The following EML6 variants were observed in gnomAD, a reference collection of about 807,000 sequenced individuals.
EML6 encodes the protein EMAP like 6, also known as echinoderm microtubule-associated protein-like 6.
EML6 carries 154 observed loss-of-function variants against 240.1 expected under a neutral mutation model. The observed-to-expected ratio is 0.64, with a 90% CI of 0.56 to 0.73. The LOEUF (loss-of-function observed/expected upper bound fraction) is 0.73. EML6 is among the 30% of genes least tolerant of loss of function. EML6 has a pLI of 0.00. For synonymous variants in EML6, 1,148 were observed against 899.0 expected (o/e 1.28, Z -4.95); for missense variants, 2,964 against 2,474.6 (o/e 1.20, Z -4.20).
At chr2:54,823,383 G>T (rs1376316482) in intron 5 of EML6, among the ~76,000 whole-genome samples, 1 of 152,138 alleles carries the variant, frequency 6.6e-6, no homozygotes, top group Non-Finnish European at 1.5e-5. Context: ...TGAGACTGGG[G>T]AGCTGGGTGG....
At chr2:54,824,513 C>A (rs999812217) in intron 5 of EML6, among the ~76,000 whole-genome samples, 1 of 152,126 alleles carries the variant, frequency 6.6e-6, no homozygotes, top group African/African-American at 2.4e-5. Context: ...TGATTCCAGT[C>A]ATAAATTGAG....
chr2:54,793,384 G>A (rs1417685240), intron 2 of EML6, among the ~76,000 whole-genome samples: 1 of 62,772 alleles, frequency 1.6e-5, no homozygotes, highest in Non-Finnish European at 2.9e-5. Context: ...GTATGAGTAG[G>A]CTTTTTTTTT....
intron 2 of EML6, among the ~76,000 whole-genome samples, chr2:54,729,352 C>A (rs1368692351): frequency 1.3e-5 from 2 of 152,232 alleles, no homozygotes; most frequent in Non-Finnish European, 2.9e-5. Context: ...TAATATGTAT[C>A]ATTTAGGGCT....
intron 28 of EML6, among the ~76,000 whole-genome samples, chr2:54,934,415 G>C (rs115889777): frequency 4.3e-4 from 65 of 152,072 alleles, no homozygotes; most frequent in African/African-American, 1.5e-3. Context: ...CTTTGCTTGA[G>C]GGAAGGTCAA....
Position 54,879,588 on chromosome 2 carries a change from C to T in EML6, c.2386C>T (p.His796Tyr), listed in dbSNP as rs1202617928. 4.5e-6 allele frequency: 7 copies of T among 1,551,984 alleles called. No individual in the cohort carries two copies. The highest frequency in any genetic ancestry group is 2.0e-5 in the Admixed American group (1 of 50,988). ...GGTGTCGGTTGGTTTAGACGATTTT[C>T]ACAGTATTGTATTTTGGGACTGGAA... ...CLVSVGLDDFHSIVFWDWKKG... is the reference protein window; with the variant it reads ...CLVSVGLDDFYSIVFWDWKKG... Residue 796 changes from histidine to tyrosine, a missense_variant, in exon 17 of 42, where the codon CAC becomes TAC. Coordinates refer to ENST00000356458, the MANE Select transcript of EML6 (RefSeq NM_001039753.4).
chr2:54,776,494 C>CAT (rs905479835), intron 2 of EML6, among the ~76,000 whole-genome samples: 2 of 152,048 alleles, frequency 1.3e-5, no homozygotes, highest in African/African-American at 4.8e-5. Context: ...GTAGTAGGCT[C>CAT]ATAAAATCTT....
rs571739337 is a variant in EML6 at position 54,850,138 on chromosome 2, C to T, written c.1364C>T (p.Thr455Met). ...GECSKSLSFITHIDWSLDSKY... is the reference protein window; with the variant it reads ...GECSKSLSFIMHIDWSLDSKY... ...TGCAGCAAGTCCCTTAGTTTCATCA[C>T]GCATATTGACTGGTCCTTGGATAGT... The change falls in exon 10 of 42, where the codon ACG becomes ATG. Residue 455 changes from threonine (T) to methionine (M), a missense_variant. Transcript: ENST00000356458. The T allele has an allele frequency of 2.3e-5, 35 of 1,551,648 alleles. No homozygotes were observed. Among genetic ancestry groups the T allele is most frequent in the East Asian group, 4.9e-5 (2 of 40,918 alleles).
intron 5 of EML6, 148 bp from the exon 6 acceptor site, chr2:54,827,418 T>C: frequency 9.5e-6 from 6 of 633,854 alleles, no homozygotes; most frequent in Non-Finnish European, 1.4e-5. Context: ...GTGTTACATG[T>C]TGTTATGTTA....
At chr2:54,802,363 C>T (rs180739991) in intron 2 of EML6, among the ~76,000 whole-genome samples, 6 of 152,260 alleles carry the variant, frequency 3.9e-5, no homozygotes, top group South Asian at 4.1e-4. Context: ...CAGTGACTCA[C>T]GCCTCTAAGC....
At chr2:54,944,323 T>A (rs1276948729) in intron 28 of EML6, among the ~76,000 whole-genome samples, 1 of 152,170 alleles carries the variant, frequency 6.6e-6, no homozygotes, top group Non-Finnish European at 1.5e-5. Context: ...TCTGTCCAGA[T>A]ATGCAAGCTG....
At position 54,802,735 on chromosome 2, in the gene EML6, T is replaced by G. The variant is rs78378764; in HGVS notation, c.198-10497T>G. ...CTGATAAAAGGCCATGTTACTTTAC[T>G]TATGGCTACTATTTGAGTGCCCACT... On this transcript the variant is annotated intron_variant, in intron 2 of 41. Coordinates refer to ENST00000356458, the MANE Select transcript of EML6 (RefSeq NM_001039753.4). Among the ~76,000 whole-genome samples, 91 of 152,222 alleles carry G rather than the reference T, an allele frequency of 6.0e-4. 1 individual carries two copies. The highest frequency in any genetic ancestry group is 1.7e-3 in the African/African-American group (70 of 41,536).
At chr2:54,753,221 A>T (rs1359135589) in intron 2 of EML6, among the ~76,000 whole-genome samples, 1 of 152,192 alleles carries the variant, frequency 6.6e-6, no homozygotes, top group Non-Finnish European at 1.5e-5. Context: ...CCTGGTGTGG[A>T]GTACCACATT....
intron 16 of EML6, among the ~76,000 whole-genome samples, chr2:54,876,519 C>G (rs892751080): frequency 1.3e-5 from 2 of 152,164 alleles, no homozygotes; most frequent in African/African-American, 2.4e-5. Context: ...GCAAAATCAG[C>G]TTATCCTTAG....
At chr2:54,831,128 A>G (rs898301487) in intron 7 of EML6, among the ~76,000 whole-genome samples, 15 of 152,168 alleles carry the variant, frequency 9.9e-5, no homozygotes, top group Non-Finnish European at 1.5e-5. Context: ...ACTTCTTGGT[A>G]TATCTTTCAA....
chr2:54,861,542 C>G (rs1240785220), intron 12 of EML6, among the ~76,000 whole-genome samples: 1 of 152,162 alleles, frequency 6.6e-6, no homozygotes, highest in African/African-American at 2.4e-5. Context: ...ACATAGTCCA[C>G]CCTCCAACCC....
At chr2:54,778,884 T>TC (rs1668718268) in intron 2 of EML6, among the ~76,000 whole-genome samples, 2 of 86,322 alleles carry the variant, frequency 2.3e-5, no homozygotes, top group South Asian at 4.1e-4. Flanking sequence ...AGAGCAAGAC[T>TC]CCATCTCAAA....
intron 5 of EML6, among the ~76,000 whole-genome samples, chr2:54,824,967 G>T (rs957492699): frequency 3.3e-5 from 5 of 152,176 alleles, no homozygotes; most frequent in African/African-American, 1.2e-4. Flanking sequence ...TCAGGTATTT[G>T]CCATTTTCTG....
chr2:54,762,227 A>T (rs1001156198), intron 2 of EML6, among the ~76,000 whole-genome samples: 1 of 152,090 alleles, frequency 6.6e-6, no homozygotes, highest in African/African-American at 2.4e-5. Context: ...ATGTCCCTCA[A>T]GTTGGGTTTA....
chr2:54,964,084 T>C lies in EML6; in HGVS notation c.5256T>C (p.Phe1752=), dbSNP rs867869777. 2 of 1,551,762 alleles carry C rather than the reference T, an allele frequency of 1.3e-6. No homozygotes were observed. Among genetic ancestry groups the C allele is most frequent in the Non-Finnish European group, 1.7e-6 (2 of 1,147,010 alleles). ...MVAIGMKNGE[F]VILLVNSLKV... Reference sequence around the variant, plus strand: ...CCATTGGCATGAAGAATGGAGAGTTTGTCATCTTGTTGGTGAACAGCCTGA... The same window carrying C: ...CCATTGGCATGAAGAATGGAGAGTTCGTCATCTTGTTGGTGAACAGCCTGA... The change falls in exon 37 of 42, where the codon TTT becomes TTC. Residue 1752 remains phenylalanine (F), a synonymous_variant. Transcript: ENST00000356458.
Sources: allele counts gnomAD v4.1 joint callset (sites outside exome capture counted in the v4.1 genomes callset), GRCh38; gene constraint gnomAD v4.1.1; transcripts MANE v1.5; gene names NCBI Gene and HGNC (gene_info 2026-07-23, HGNC 2026-07-21).